Variants in ZFHX3 observed in about 807,000 individuals in gnomAD.
ZFHX3 encodes zinc finger homeobox 3.
ZFHX3 carries 42 observed loss-of-function variants against 279.1 expected under a neutral mutation model. The observed-to-expected ratio is 0.15, with a 90% CI of 0.12 to 0.19. The LOEUF (loss-of-function observed/expected upper bound fraction) is 0.19, where lower values mean the gene tolerates loss of function less well. Ranked by LOEUF, ZFHX3 falls within the 10% of genes least tolerant of loss-of-function variation. The probability of loss-of-function intolerance (pLI) is 1.00; values close to 1 mark genes in which losing one functional copy is unlikely to be tolerated. For missense variants in ZFHX3, 4,981 were observed against 4,754.0 expected (o/e 1.05, Z -1.40); for synonymous variants, 2,293 against 1,957.8 (o/e 1.17, Z -4.52).
chr16:73,823,952 T>C (rs1597132271), intron 1 of ZFHX3, among the ~76,000 whole-genome samples: 1 of 152,328 alleles, frequency 6.6e-6, no homozygotes, highest in Admixed American at 6.5e-5. Context: ...GCCAGATTTG[T>C]GCATTTGGGC....
chr16:73,780,447 C>CT (rs879667609), intron 1 of ZFHX3, among the ~76,000 whole-genome samples: 161 of 142,146 alleles, frequency 1.1e-3, no homozygotes, highest in Middle Eastern at 3.8e-3. Flanking sequence ...CGTGCCTGAA[C>CT]TTTTTTTTTT....
intron 5 of ZFHX3, among the ~76,000 whole-genome samples, chr16:73,187,144 T>TCACACACACACACACA (rs71156147): frequency 7.5e-4 from 111 of 147,074 alleles, no homozygotes; most frequent in South Asian, 3.9e-3. Context: ...GTTGTATGTC[T>TCACACACACACACACA]CACACACACA....
chr16:73,536,632 A>G (rs1279477441), intron 2 of ZFHX3, among the ~76,000 whole-genome samples: 1 of 152,212 alleles, frequency 6.6e-6, no homozygotes, highest in African/African-American at 2.4e-5. Flanking sequence ...TTTTTAAGCA[A>G]TGTTGCTGTG....
intron 1 of ZFHX3, among the ~76,000 whole-genome samples, chr16:73,696,651 G>C (rs1597070987): frequency 6.6e-6 from 1 of 152,218 alleles, no homozygotes; most frequent in Non-Finnish European, 1.5e-5. Context: ...GTGTGGGTTT[G>C]TATGTAATGT....
At chr16:72,939,308 C>T (rs1232667508) in intron 3 of ZFHX3, among the ~76,000 whole-genome samples, 1 of 152,152 alleles carries the variant, frequency 6.6e-6, no homozygotes, top group Non-Finnish European at 1.5e-5. Flanking sequence ...CTCAGAGAAC[C>T]TTCCTGGGCC....
chr16:72,881,608 A>G (rs888784574), intron 4 of ZFHX3, among the ~76,000 whole-genome samples: 7 of 152,208 alleles, frequency 4.6e-5, no homozygotes, highest in African/African-American at 1.7e-4. Flanking sequence ...TAAAGACGGT[A>G]CAGGTACAAA....
chr16:73,183,418 G>A (rs920054525), intron 5 of ZFHX3, among the ~76,000 whole-genome samples: 1 of 152,212 alleles, frequency 6.6e-6, no homozygotes, highest in Non-Finnish European at 1.5e-5. Flanking sequence ...TAAAATGTCT[G>A]GAGAATGATC....
chr16:73,116,591 T>G (rs1401405540), intron 7 of ZFHX3, among the ~76,000 whole-genome samples: 1 of 152,100 alleles, frequency 6.6e-6, no homozygotes, highest in African/African-American at 2.4e-5. Flanking sequence ...AAGCTTAGTT[T>G]AGCAGAAAAA....
intron 3 of ZFHX3, among the ~76,000 whole-genome samples, chr16:73,451,243 G>T (rs2018277898): frequency 6.6e-6 from 1 of 152,202 alleles, no homozygotes; most frequent in African/African-American, 2.4e-5. Context: ...TACACTAGGG[G>T]ATATACTAGA....
At chr16:73,640,998 T>C (rs1417274645) in intron 2 of ZFHX3, among the ~76,000 whole-genome samples, 1 of 152,198 alleles carries the variant, frequency 6.6e-6, no homozygotes, top group Non-Finnish European at 1.5e-5. Context: ...GGCATCGATC[T>C]TCTCAGCAGC....
At chr16:73,396,712 G>C (rs1343841641) in intron 3 of ZFHX3, among the ~76,000 whole-genome samples, 1 of 152,124 alleles carries the variant, frequency 6.6e-6, no homozygotes, top group East Asian at 1.9e-4. Context: ...GAACAGCATG[G>C]GGGAAACCAC....
At position 72,798,020 on chromosome 16, in the gene ZFHX3, G is replaced by A. The variant is rs1331328925; in HGVS notation, c.4662C>T (p.Phe1554=). The change falls in exon 9 of 10, where the codon TTC becomes TTT. Residue 1554 remains phenylalanine (F), a synonymous_variant. Transcript: ENST00000268489. ...PYKCTVCKES[F]TQKNILLVHY... ...GTACTAGCAGGATATTCTTTTGAGT[G>A]AAAGATTCCTTGCAGACGGTACACT... The A allele has an allele frequency of 2.5e-6, 4 of 1,614,114 alleles. No homozygotes were observed. The highest frequency in any genetic ancestry group is 2.5e-6 in the Non-Finnish European group (3 of 1,180,046).
chr16:72,981,522 G>A (rs62053223), intron 1 of ZFHX3, among the ~76,000 whole-genome samples: 6,853 of 152,188 alleles, frequency 0.045, 231 homozygotes, highest in Non-Finnish European at 0.066. Flanking sequence ...TTGTTTTTGC[G>A]CACACTGTCT....
At chr16:73,799,673 T>A (rs1197083393) in intron 1 of ZFHX3, among the ~76,000 whole-genome samples, 2 of 152,124 alleles carry the variant, frequency 1.3e-5, no homozygotes, top group Non-Finnish European at 2.9e-5. Flanking sequence ...CTATTTGGGC[T>A]CCAGTTCTTC....
chr16:72,866,573 C>G (rs994919702), intron 4 of ZFHX3, among the ~76,000 whole-genome samples: 18 of 152,182 alleles, frequency 1.2e-4, no homozygotes, highest in Non-Finnish European at 2.5e-4. Context: ...GGGATCTAAA[C>G]TCCTATGTGA....
intron 8 of ZFHX3, among the ~76,000 whole-genome samples, chr16:73,066,914 G>A (rs527443916): frequency 6.6e-6 from 1 of 152,238 alleles, no homozygotes; most frequent in South Asian, 2.1e-4. Context: ...ACTGAGATGG[G>A]GACCCTGAAC....
chr16:73,322,460 A>G (rs1282614938), intron 3 of ZFHX3, among the ~76,000 whole-genome samples: 1 of 152,228 alleles, frequency 6.6e-6, no homozygotes, highest in African/African-American at 2.4e-5. Context: ...TTGAATCTGA[A>G]TAGGACACCT....
chr16:73,160,093 A>T (rs1003378835), intron 5 of ZFHX3, among the ~76,000 whole-genome samples: 3 of 152,156 alleles, frequency 2.0e-5, no homozygotes, highest in African/African-American at 7.2e-5. Context: ...TTCTTTCCTT[A>T]AATATAAGGC....
intron 1 of ZFHX3, among the ~76,000 whole-genome samples, chr16:73,793,029 G>A (rs778978061): frequency 5.3e-5 from 8 of 152,126 alleles, no homozygotes; most frequent in African/African-American, 1.4e-4. Flanking sequence ...TTTGGGAGAC[G>A]GGGAGAGAAG....
Sources: gnomAD v4.1 joint callset for allele counts (sites outside exome capture counted in the v4.1 genomes callset) on GRCh38, gnomAD v4.1.1 for gene constraint, MANE v1.5 for transcripts, NCBI Gene and HGNC (gene_info 2026-07-23, HGNC 2026-07-21) for gene names.